PRORP: variants seen among roughly 807,000 people sequenced by gnomAD.
PRORP encodes the protein mitochondrial ribonuclease P catalytic subunit.
PRORP carries 51 observed loss-of-function variants against 59.4 expected under a neutral mutation model. That is an observed-to-expected ratio of 0.86 (90% confidence interval 0.69 to 1.08). The LOEUF (loss-of-function observed/expected upper bound fraction) is 1.08, where lower values mean the gene tolerates loss of function less well. Among genes scored for constraint, PRORP ranks in the 50% least tolerant of loss-of-function variants. The probability of loss-of-function intolerance (pLI) is 0.00; values close to 1 mark genes in which losing one functional copy is unlikely to be tolerated. For missense variants in PRORP, 646 were observed against 690.3 expected, an observed-to-expected ratio of 0.94 and a Z score of 0.72; for synonymous variants, 231 against 245.6, an observed-to-expected ratio of 0.94 and a Z score of 0.55.
At position 35,123,916 on chromosome 14, in the gene PRORP, A is replaced by C; in HGVS notation, c.671A>C (p.Asp224Ala). ...CTCATCCGGGGATTGATCCATTCAG[A>C]CAGATGGAGAGAAGCATTGTTGCTG... ...SLLIRGLIHSDRWREALLLLE... is the reference protein window; with the variant it reads ...SLLIRGLIHSARWREALLLLE... The change falls in exon 2 of 8, where the codon GAC becomes GCC. Residue 224 changes from aspartate (D) to alanine (A), a missense_variant. Coordinates refer to ENST00000534898, the MANE Select transcript of PRORP (RefSeq NM_014672.4). The C allele has an allele frequency of 1.2e-6, 2 of 1,614,114 alleles. No homozygotes were observed. The highest frequency in any genetic ancestry group is 1.7e-6 in the Non-Finnish European group (2 of 1,179,958).
intron 5 of PRORP, among the ~76,000 whole-genome samples, chr14:35,230,317 A>T (rs957416006): frequency 6.6e-6 from 1 of 152,288 alleles, no homozygotes; most frequent in East Asian, 1.9e-4. Flanking sequence ...CTCCCAAGGT[A>T]TTGGGATTAC....
In PRORP at chr14:35,254,422, C is replaced by T. The variant is rs546251826; in HGVS notation, c.1276-12305C>T. Among the ~76,000 whole-genome samples the T allele has an allele frequency of 5.9e-5, 9 of 152,180 alleles. No individual in the cohort carries two copies. The East Asian group carries it at 1.5e-3, about 26-fold the overall frequency. ...GTTTGTTTGTTTTGAGATGGAGTTT[C>T]GCTCTTGTTGCCCAGGCTGGAGTGC... On this transcript the variant is annotated intron_variant, in intron 5 of 7. Coordinates refer to ENST00000534898, the MANE Select transcript of PRORP (RefSeq NM_014672.4).
chr14:35,123,756 GGTATT>G lies in PRORP; in HGVS notation c.515_519del (p.Ile172LysfsTer20). The G allele has an allele frequency of 6.2e-7, 1 of 1,614,138 alleles. No homozygotes were observed. The highest frequency in any genetic ancestry group is 8.5e-7 in the Non-Finnish European group (1 of 1,180,026). On this transcript the variant is annotated frameshift_variant, in exon 2 of 8. Coordinates refer to ENST00000534898, the MANE Select transcript of PRORP (RefSeq NM_014672.4). LOFTEE classifies it high-confidence loss of function. ...GGCATGGGTAGCAGCCAAAAATAAT[GGTATT>G]GTAAGTTACGATTTACTGGTCAAGT... is the stretch of plus-strand genomic sequence containing the variant.
chr14:35,138,341 A>G (rs1169710573), intron 4 of PRORP, among the ~76,000 whole-genome samples: 1 of 145,944 alleles, frequency 6.9e-6, no homozygotes, highest in Non-Finnish European at 1.5e-5. Context: ...TGGTGAGTGG[A>G]CACAAGTCAG....
At chr14:35,149,868 G>T (rs1209527736) in intron 4 of PRORP, among the ~76,000 whole-genome samples, 1 of 151,984 alleles carries the variant, frequency 6.6e-6, no homozygotes, top group East Asian at 1.9e-4. Context: ...TTAAGGCGGG[G>T]AGACAGAGTC....
intron 5 of PRORP, among the ~76,000 whole-genome samples, chr14:35,206,048 A>G (rs1010169336): frequency 6.6e-6 from 1 of 152,288 alleles, no homozygotes; most frequent in Non-Finnish European, 1.5e-5. Context: ...AACATCCAGC[A>G]TGGTGTTTGG....
At chr14:35,151,673 C>G (rs900751691) in intron 4 of PRORP, among the ~76,000 whole-genome samples, 49 of 144,606 alleles carry the variant, frequency 3.4e-4, no homozygotes, top group African/African-American at 1.1e-3. Flanking sequence ...CACACACACA[C>G]ACACAGAGCT....
At chr14:35,212,802 C>G (rs778396786) in intron 5 of PRORP, among the ~76,000 whole-genome samples, 2 of 152,174 alleles carry the variant, frequency 1.3e-5, no homozygotes, top group Non-Finnish European at 2.9e-5. Flanking sequence ...GAGAGTCAGC[C>G]TCTCCTTTGA....
At chr14:35,233,586 A>G (rs1241543057) in intron 5 of PRORP, among the ~76,000 whole-genome samples, 1 of 138,128 alleles carries the variant, frequency 7.2e-6, no homozygotes, top group Non-Finnish European at 1.6e-5. Context: ...CATCCTTTGT[A>G]TTTCCTCAGA....
intron 7 of PRORP, 86 bp from the exon 8 acceptor site, chr14:35,273,349 C>G: frequency 1.5e-6 from 2 of 1,336,664 alleles, no homozygotes; most frequent in Non-Finnish European, 2.0e-6. Flanking sequence ...TCTTCTGGAG[C>G]AAACTTGAGA....
chr14:35,235,664 A>AT (rs1001348802), intron 5 of PRORP: 4 of 408,458 alleles, frequency 9.8e-6, no homozygotes, highest in African/African-American at 6.3e-5. Context: ...GGAAGCTAAT[A>AT]TTTTTTAGTA....
intron 6 of PRORP, among the ~76,000 whole-genome samples, chr14:35,270,083 T>C (rs1005854477): frequency 6.6e-6 from 1 of 152,074 alleles, no homozygotes; most frequent in Admixed American, 6.6e-5. Context: ...ATAAGGCAAA[T>C]AGGAAAAATG....
chr14:35,253,534 C>T (rs190734402), intron 5 of PRORP, among the ~76,000 whole-genome samples: 24 of 152,158 alleles, frequency 1.6e-4, no homozygotes, highest in Admixed American at 8.5e-4. Context: ...AGAGCAGAAT[C>T]GATTGTTTGC....
chr14:35,205,956 ATC>A (rs1213959372), intron 5 of PRORP, among the ~76,000 whole-genome samples: 2 of 152,000 alleles, frequency 1.3e-5, no homozygotes, highest in African/African-American at 4.8e-5. Flanking sequence ...GCTTACTATA[ATC>A]TCTGTCATAC....
At chr14:35,152,879 T>C (rs949582686) in intron 4 of PRORP, among the ~76,000 whole-genome samples, 5 of 148,168 alleles carry the variant, frequency 3.4e-5, no homozygotes, top group Admixed American at 6.7e-5. Context: ...GGATGGCGGC[T>C]GGGAAGAGGC....
At chr14:35,272,860 T>C (rs895564241) in intron 7 of PRORP, among the ~76,000 whole-genome samples, 2 of 152,202 alleles carry the variant, frequency 1.3e-5, no homozygotes, top group African/African-American at 2.4e-5. Context: ...TAAAATGGCA[T>C]AGTATTTGCA....
intron 5 of PRORP, among the ~76,000 whole-genome samples, chr14:35,258,516 A>T (rs2050816226): frequency 6.6e-6 from 1 of 152,158 alleles, no homozygotes; most frequent in African/African-American, 2.4e-5. Flanking sequence ...GAAAAAAAAG[A>T]ATTCTAAGAT....
intron 5 of PRORP, among the ~76,000 whole-genome samples, chr14:35,192,693 A>G (rs180929678): frequency 6.6e-6 from 1 of 152,286 alleles, no homozygotes; most frequent in Non-Finnish European, 1.5e-5. Context: ...TTCCATTAAG[A>G]AAACAAAAGG....
chr14:35,172,535 GTCCTC>G (rs2048348616), intron 4 of PRORP, among the ~76,000 whole-genome samples: 1 of 99,410 alleles, frequency 1.0e-5, no homozygotes, highest in African/African-American at 4.2e-5. Context: ...TCTCTCTCCT[GTCCTC>G]TCCTCTCCTC....
Sources: gnomAD v4.1 joint callset for allele counts (sites outside exome capture counted in the v4.1 genomes callset) on GRCh38, gnomAD v4.1.1 for gene constraint, MANE v1.5 for transcripts, NCBI Gene and HGNC (gene_info 2026-07-23, HGNC 2026-07-21) for gene names.